The following GRIP2 variants were observed in gnomAD, a reference collection of about 807,000 sequenced individuals.
The protein encoded by GRIP2 is glutamate receptor-interacting protein 2.
In GRIP2, 58 loss-of-function variants were observed where a neutral mutation model predicts 108.3. That is an observed-to-expected ratio of 0.54 (90% CI 0.43 to 0.67). The LOEUF is 0.67. Ranked by LOEUF, GRIP2 falls within the 30% of genes least tolerant of loss-of-function variation. The pLI is 0.00. For synonymous variants in GRIP2, 586 were observed against 598.2 expected (o/e 0.98, Z 0.30); for missense variants, 1,278 against 1,430.6 (o/e 0.89, Z 1.72).
intron 3 of GRIP2, 114 bp downstream of exon 3, chr3:14,525,323 A>C: frequency 7.6e-7 from 1 of 1,319,964 alleles, no homozygotes; most frequent in South Asian, 1.4e-5. Flanking sequence ...GTGCTCCTGG[A>C]AACAGCTGCC....
chr3:14,522,718 A>C lies in GRIP2; in HGVS notation c.566+282T>G, dbSNP rs1694447174. 1 of 424,116 alleles carries C rather than the reference A, an allele frequency of 2.4e-6. No individual in the cohort carries two copies. The highest frequency in any genetic ancestry group is 4.9e-5 in the East Asian group (1 of 20,482). The allele number at this position is 424,116 out of a possible 1,614,324, so 26.3% of individuals were successfully genotyped here. On this transcript the variant is annotated intron_variant, in intron 6 of 23. Coordinates refer to ENST00000621039, the MANE Select transcript of GRIP2 (RefSeq NM_001080423.4). The surrounding 1 kb of genome is among the most constrained non-coding windows in gnomAD (Gnocchi z 4.3). The stretch of plus-strand genomic sequence containing the variant: ...GACCATTCCACAGACGGGAAAACCA[A>C]GGAGCAGGAAAGGGAAGAACGACAC...
At chr3:14,541,799 T>C, upstream of GRIP2, 4 of 1,087,518 alleles carry the variant, frequency 3.7e-6, no homozygotes, top group Non-Finnish European at 5.0e-6. Context: ...AGGGTCAGAT[T>C]GCAGAGGGAA....
At chr3:14,532,924 T>G (rs1017062033) in intron 1 of GRIP2, among the ~76,000 whole-genome samples, 1 of 152,244 alleles carries the variant, frequency 6.6e-6, no homozygotes, top group Non-Finnish European at 1.5e-5. Context: ...CCTGCAGCTG[T>G]AACCATTGAG....
upstream of GRIP2, among the ~76,000 whole-genome samples, chr3:14,544,835 C>T (rs933086429): frequency 1.3e-5 from 2 of 152,214 alleles, no homozygotes; most frequent in African/African-American, 4.8e-5. Context: ...TGGGATTCCA[C>T]CAGCCACAGG....
chr3:14,602,644 C>T, the GRIP2 span, among the ~76,000 whole-genome samples: 1 of 151,744 alleles, frequency 6.6e-6, no homozygotes, highest in African/African-American at 2.4e-5. This position sits in a 1 kb window ranked among gnomAD's most constrained non-coding sequence, Gnocchi z 4.7. Context: ...CAGCCCCCGG[C>T]GGGCGCCCTG....
At position 14,523,698 on chromosome 3, in the gene GRIP2, G is replaced by C. The variant is rs889260534; in HGVS notation, c.404C>G (p.Ala135Gly). 1.2e-6 allele frequency: 2 copies of C among 1,606,224 alleles called. No individual in the cohort carries two copies. The highest frequency in any genetic ancestry group is 2.7e-5 in the African/African-American group (2 of 74,948). ...AATGATCCTGGGGTTATTCTCAGGA[G>C]CTGGGGAGAAATGGAGGACTCCTTT... ...LEVEYELPPP[A>G]PENNPRIISK... The change falls in exon 5 of 24, where the codon GCT becomes GGT. Residue 135 changes from alanine (A) to glycine (G), a missense_variant and splice_region_variant. Coordinates refer to ENST00000621039, the MANE Select transcript of GRIP2 (RefSeq NM_001080423.4).
At chr3:14,528,037 T>C (rs756535810) in intron 1 of GRIP2, among the ~76,000 whole-genome samples, 2 of 152,186 alleles carry the variant, frequency 1.3e-5, no homozygotes, top group Non-Finnish European at 2.9e-5. Context: ...GCCCCCAAAA[T>C]TCTCCCTTGA....
At chr3:14,560,934 T>A (rs947217873), upstream of GRIP2, among the ~76,000 whole-genome samples, 2 of 152,156 alleles carry the variant, frequency 1.3e-5, no homozygotes, top group African/African-American at 4.8e-5. Flanking sequence ...CCCCAAACTC[T>A]ACCTTCAGCA....
chr3:14,570,715 T>G, the GRIP2 span, among the ~76,000 whole-genome samples: 1 of 152,190 alleles, frequency 6.6e-6, no homozygotes, highest in African/African-American at 2.4e-5. Flanking sequence ...CAGTCTCCAG[T>G]GGATTGAAAG....
the GRIP2 span, chr3:14,573,740 A>G: frequency 4.1e-6 from 6 of 1,474,848 alleles, no homozygotes. Context: ...GGTCCTCCCA[A>G]GAGGGCTCAT....
At chr3:14,547,720 G>A (rs1247925310) in intron 1 of GRIP2, among the ~76,000 whole-genome samples, 2 of 152,130 alleles carry the variant, frequency 1.3e-5, no homozygotes, top group Non-Finnish European at 2.9e-5. Context: ...TGCTCTGACT[G>A]TCCACCAGCC....
At chr3:14,599,248 T>G in the GRIP2 span, among the ~76,000 whole-genome samples, 6 of 152,324 alleles carry the variant, frequency 3.9e-5, no homozygotes, top group South Asian at 1.2e-3. Flanking sequence ...ATCTCTCTAA[T>G]AAGGGTTGGA....
chr3:14,595,668 G>A, the GRIP2 span, among the ~76,000 whole-genome samples: 16 of 152,360 alleles, frequency 1.1e-4, no homozygotes, highest in South Asian at 3.3e-3. Context: ...GGCCCTGTGG[G>A]TGCTACAGCC....
In GRIP2 at chr3:14,491,191, A is replaced by T. The variant is rs906001550; in HGVS notation, c.*2474T>A. 1.3e-5 allele frequency: 2 copies of T among 152,184 alleles called. No individual in the cohort carries two copies. Among genetic ancestry groups the T allele is most frequent in the African/African-American group, 2.4e-5 (1 of 41,430 alleles). The allele number at this position is 152,184 out of a possible 1,614,324, so 9.4% of individuals were successfully genotyped here. A position where few individuals can be genotyped will look rare whatever the true frequency, so the allele number is the denominator to read the frequency against. On this transcript the variant is annotated 3_prime_UTR_variant, in exon 24 of 24. Transcript: ENST00000621039. ...AGGTGGATTTAAATAATTTTATTTT[A>T]AAAAATCATCCCCATGGCACCTACC...
the GRIP2 span, among the ~76,000 whole-genome samples, chr3:14,576,500 G>A: frequency 6.6e-5 from 10 of 152,226 alleles, no homozygotes; most frequent in South Asian, 1.0e-3. Flanking sequence ...GAGAGGCGAG[G>A]GTGAGAGAGG....
intron 21 of GRIP2, among the ~76,000 whole-genome samples, chr3:14,498,865 G>T (rs1468811406): frequency 6.6e-6 from 1 of 152,214 alleles, no homozygotes; most frequent in African/African-American, 2.4e-5. Flanking sequence ...AGCAGGAGTG[G>T]AACTGTCTGG....
chr3:14,526,739 G>A (rs1192249201), intron 1 of GRIP2, among the ~76,000 whole-genome samples: 1 of 152,144 alleles, frequency 6.6e-6, no homozygotes, highest in Non-Finnish European at 1.5e-5. Flanking sequence ...ACGTCAAGGG[G>A]TGCTTCATCT....
upstream of GRIP2, among the ~76,000 whole-genome samples, chr3:14,546,304 A>G (rs563629055): frequency 2.2e-3 from 335 of 152,168 alleles, 1 homozygote; most frequent in Non-Finnish European, 3.3e-3. Context: ...CAGGGAGAGG[A>G]GTTGGGATTC....
upstream of GRIP2, among the ~76,000 whole-genome samples, chr3:14,558,592 G>A (rs1030057020): frequency 6.6e-6 from 1 of 152,178 alleles, no homozygotes; most frequent in Admixed American, 6.5e-5. Flanking sequence ...GCAGAGTTCC[G>A]ACCTGGTGGG....
Sources: allele counts gnomAD v4.1 joint callset (sites outside exome capture counted in the v4.1 genomes callset), GRCh38; gene constraint gnomAD v4.1.1; non-coding constraint Gnocchi (gnomAD v3.1); transcripts MANE v1.5; gene names NCBI Gene and HGNC (gene_info 2026-07-23, HGNC 2026-07-21).